The following CA2 variants were observed in gnomAD, a reference collection of about 807,000 sequenced individuals.
The protein encoded by CA2 is carbonate dehydratase II.
A neutral mutation model predicts 27.8 loss-of-function variants in CA2; 23 were observed. That is an observed-to-expected ratio of 0.83 (90% CI 0.59 to 1.17). The LOEUF (loss-of-function observed/expected upper bound fraction) is 1.17, where lower values mean the gene tolerates loss of function less well. CA2 is among the 50% of genes most tolerant of loss of function. CA2 has a pLI of 0.00. For synonymous variants in CA2, 99 were observed against 114.9 expected (o/e 0.86, Z 0.88); for missense variants, 300 against 314.7 (o/e 0.95, Z 0.35).
chr8:85,479,666 G>A (rs1368600700), intron 6 of CA2, among the ~76,000 whole-genome samples: 2 of 152,104 alleles, frequency 1.3e-5, no homozygotes, highest in African/African-American at 2.4e-5. Flanking sequence ...GTTTATAAGG[G>A]AATAAAAATC....
chr8:85,467,666 A>G (rs1370997268), intron 2 of CA2, among the ~76,000 whole-genome samples: 1 of 152,166 alleles, frequency 6.6e-6, no homozygotes, highest in African/African-American at 2.4e-5. Context: ...CTGAATATGT[A>G]CTTATTTTAT....
intron 4 of CA2, among the ~76,000 whole-genome samples, chr8:85,475,371 TAAAAA>T (rs3070396): frequency 1.5e-4 from 6 of 41,360 alleles, no homozygotes; most frequent in Admixed American, 4.6e-4. Flanking sequence ...ACTCTGACTC[TAAAAA>T]AAAAAAAAAA....
intron 2 of CA2, among the ~76,000 whole-genome samples, chr8:85,466,338 TTGG>T (rs1286499670): frequency 6.6e-6 from 1 of 151,962 alleles, no homozygotes; most frequent in Non-Finnish European, 1.5e-5. Flanking sequence ...CACATTTTGT[TTGG>T]TGGTGGTGTG....
chr8:85,468,675 G>T (rs985228785), intron 2 of CA2, among the ~76,000 whole-genome samples: 3 of 152,038 alleles, frequency 2.0e-5, no homozygotes, highest in African/African-American at 7.2e-5. Context: ...CAGGAGAATC[G>T]CTGGATCCCG....
intron 1 of CA2, 60 bp downstream of exon 1, chr8:85,464,175 C>T (rs1811580733): frequency 3.4e-6 from 5 of 1,465,124 alleles, no homozygotes; most frequent in Non-Finnish European, 4.6e-6. Context: ...GATCCCCGAT[C>T]CCCGAGCCCG....
At position 85,480,822 on chromosome 8, in the gene CA2, T is replaced by C; in HGVS notation, c.*33T>C. On this transcript the variant is annotated 3_prime_UTR_variant, in exon 7 of 7. Coordinates refer to ENST00000285379, the MANE Select transcript of CA2 (RefSeq NM_000067.3). Reference sequence around the variant, plus strand: ...CCATAGTCTGTATCCAAATAATGAATCTTCGGGTGTTTCCCTTTAGCTAAG... The same window carrying C: ...CCATAGTCTGTATCCAAATAATGAACCTTCGGGTGTTTCCCTTTAGCTAAG... 2 of 1,611,574 alleles carry C rather than the reference T, an allele frequency of 1.2e-6. No individual in the cohort carries two copies. The highest frequency in any genetic ancestry group is 1.7e-6 in the Non-Finnish European group (2 of 1,178,132).
chr8:85,467,398 T>C (rs1380410820), intron 2 of CA2, among the ~76,000 whole-genome samples: 1 of 152,136 alleles, frequency 6.6e-6, no homozygotes, highest in African/African-American at 2.4e-5. Flanking sequence ...TCTGCCACAG[T>C]GGAAGGATGA....
intron 2 of CA2, among the ~76,000 whole-genome samples, chr8:85,470,587 T>C (rs1346945285): frequency 1.3e-5 from 2 of 152,172 alleles, no homozygotes; most frequent in African/African-American, 2.4e-5. Flanking sequence ...TTTTAATTTG[T>C]ATAAGTAATG....
At chr8:85,472,174 T>A (rs1811722234) in intron 2 of CA2, among the ~76,000 whole-genome samples, 1 of 152,218 alleles carries the variant, frequency 6.6e-6, no homozygotes, top group Non-Finnish European at 1.5e-5. Context: ...AATCTTGTTG[T>A]ACAGAAGTTA....
At chr8:85,467,513 T>C (rs1300366990) in intron 2 of CA2, among the ~76,000 whole-genome samples, 3 of 152,236 alleles carry the variant, frequency 2.0e-5, no homozygotes, top group African/African-American at 7.2e-5. Flanking sequence ...CGACCACCTC[T>C]GTTAGACCAT....
In CA2 at chr8:85,477,247, A is replaced by T; in HGVS notation, c.635A>T (p.Lys212Met). The T allele has an allele frequency of 6.2e-7, 1 of 1,614,064 alleles. No individual in the cohort carries two copies. The highest frequency in any genetic ancestry group is 8.5e-7 in the Non-Finnish European group (1 of 1,179,942). Reference sequence around the variant, plus strand: ...GAATGTGTGACCTGGATTGTGCTCAAGGAACCCATCAGCGTCAGCAGCGAG... The same window carrying T: ...GAATGTGTGACCTGGATTGTGCTCATGGAACCCATCAGCGTCAGCAGCGAG... ...LLECVTWIVL[K>M]EPISVSSEQV... is the part of the protein sequence containing the mutation. The change falls in exon 6 of 7, where the codon AAG becomes ATG. Residue 212 changes from lysine (K) to methionine (M), a missense_variant. Coordinates refer to ENST00000285379, the MANE Select transcript of CA2 (RefSeq NM_000067.3).
intron 2 of CA2, among the ~76,000 whole-genome samples, chr8:85,470,046 C>G (rs1811692182): frequency 1.3e-5 from 2 of 152,184 alleles, no homozygotes; most frequent in African/African-American, 4.8e-5. Flanking sequence ...CCTTAAATAT[C>G]TAGAAAATGG....
rs369814789 is a variant in CA2, at chr8:85,474,916, AG to A, written c.444+501del. On this transcript the variant is annotated intron_variant, in intron 4 of 6. Transcript: ENST00000285379. ...CTACAGGTGTGTATGAAATCATCCA[AG>A]TACAGCACGAAGAGGGAGATGAGAA... 2.6e-3 allele frequency among the ~76,000 whole-genome samples: 389 copies of A among 152,280 alleles called. 1 individual carries two copies. Among genetic ancestry groups the A allele is most frequent in the African/African-American group, 8.7e-3 (363 of 41,558 alleles).
intron 6 of CA2, among the ~76,000 whole-genome samples, chr8:85,480,202 C>T (rs1219845106): frequency 6.6e-6 from 1 of 152,100 alleles, no homozygotes; most frequent in Admixed American, 6.5e-5. Context: ...AGGAATCAAA[C>T]TGAATTTTGG....
At chr8:85,467,994 C>G (rs7002912) in intron 2 of CA2, among the ~76,000 whole-genome samples, 1 of 152,172 alleles carries the variant, frequency 6.6e-6, no homozygotes, top group Non-Finnish European at 1.5e-5. Flanking sequence ...GAGGCCTGGT[C>G]CCTCTCCTGT....
chr8:85,466,206 A>G (rs948307002), intron 2 of CA2, among the ~76,000 whole-genome samples: 2 of 151,008 alleles, frequency 1.3e-5, no homozygotes, highest in African/African-American at 4.9e-5. Flanking sequence ...TTTTGAAACA[A>G]GAGAACAATC....
intron 2 of CA2, among the ~76,000 whole-genome samples, chr8:85,473,013 TA>T (rs373793664): frequency 0.13 from 1,709 of 13,096 alleles, 28 homozygotes; most frequent in African/African-American, 0.28. Context: ...ATAATAATAA[TA>T]AATAAATAAA....
At chr8:85,472,408 G>T (rs1415392567) in intron 2 of CA2, among the ~76,000 whole-genome samples, 1 of 152,090 alleles carries the variant, frequency 6.6e-6, no homozygotes, top group African/African-American at 2.4e-5. Flanking sequence ...GTGGATGGAA[G>T]AAAGACTGAT....
At chr8:85,477,608 G>A (rs1336468014) in intron 6 of CA2, among the ~76,000 whole-genome samples, 1 of 151,592 alleles carries the variant, frequency 6.6e-6, no homozygotes, top group Non-Finnish European at 1.5e-5. Context: ...CATATTCAAG[G>A]TTACGCAGGT....
Sources: allele counts gnomAD v4.1 joint callset (sites outside exome capture counted in the v4.1 genomes callset), GRCh38; gene constraint gnomAD v4.1.1; transcripts MANE v1.5; gene names NCBI Gene and HGNC (gene_info 2026-07-23, HGNC 2026-07-21).